The following HABP2 variants were observed in gnomAD, a reference collection of about 807,000 sequenced individuals.
The protein encoded by HABP2 is factor VII-activating protease.
In HABP2, 65 loss-of-function variants were observed where a neutral mutation model predicts 66.5. The observed-to-expected ratio is 0.98, with a 90% confidence interval of 0.80 to 1.20. The LOEUF (loss-of-function observed/expected upper bound fraction) is 1.20, where lower values mean the gene tolerates loss of function less well. HABP2 is among the 50% of genes most tolerant of loss of function. The probability of loss-of-function intolerance (pLI) is 0.00; values close to 1 mark genes in which losing one functional copy is unlikely to be tolerated. For missense variants in HABP2, 786 were observed against 691.0 expected, an observed-to-expected ratio of 1.14 and a Z score of -1.54; for synonymous variants, 263 against 253.9, an observed-to-expected ratio of 1.04 and a Z score of -0.34.
intron 9 of HABP2, among the ~76,000 whole-genome samples, chr10:113,582,934 G>T (rs1179258744): frequency 6.6e-6 from 1 of 152,226 alleles, no homozygotes; most frequent in Non-Finnish European, 1.5e-5. Context: ...GATTTTAGAA[G>T]ATTGGTTCAA....
At chr10:113,551,899 C>A (rs893480931), upstream of HABP2, among the ~76,000 whole-genome samples, 1 of 150,968 alleles carries the variant, frequency 6.6e-6, no homozygotes, top group African/African-American at 2.4e-5. Context: ...GTATAGGAGG[C>A]GGGGTGGGGG....
chr10:113,573,890 C>T (rs1352077958), intron 2 of HABP2, among the ~76,000 whole-genome samples: 1 of 152,078 alleles, frequency 6.6e-6, no homozygotes, highest in Non-Finnish European at 1.5e-5. Context: ...GTGATCTGAC[C>T]CCGGGCAGAC....
At chr10:113,584,016 G>A (rs977197593) in intron 10 of HABP2, 132 bp from the exon 11 acceptor site, 15 of 680,212 alleles carry the variant, frequency 2.2e-5, no homozygotes, top group Middle Eastern at 3.0e-4. Flanking sequence ...AAATGACCAC[G>A]GAAGAAGATT....
Position 113,574,418 on chromosome 10 carries a change from T to A in HABP2, c.223+13T>A. The A allele has an allele frequency of 7.7e-7, 1 of 1,299,148 alleles. No homozygotes were observed. Among genetic ancestry groups the A allele is most frequent in the Non-Finnish European group, 1.1e-6 (1 of 891,618 alleles). 80.5% of individuals were successfully genotyped at this position (1,299,148 alleles called of 1,614,324 possible). A position where few individuals can be genotyped will look rare whatever the true frequency, so the allele number is the denominator to read the frequency against. On this transcript the variant is annotated intron_variant, in intron 3 of 12. Transcript: ENST00000351270. ...GAGGACCAAGCTGGTAGGTACCAAA[T>A]CTCTTTCAGGGACTCTCCTGGGAGA...
intron 12 of HABP2, among the ~76,000 whole-genome samples, chr10:113,586,482 G>T (rs867740121): frequency 0.019 from 2,808 of 147,014 alleles, 154 homozygotes; most frequent in African/African-American, 0.06. Context: ...GTGTGGGGGG[G>T]GGGGGGGTGT....
chr10:113,576,114 C>G (rs181206049), intron 4 of HABP2, 110 bp downstream of exon 4: 17 of 704,124 alleles, frequency 2.4e-5, no homozygotes, highest in Admixed American at 2.3e-4. Context: ...AACTGCAATA[C>G]TGTATCATGC....
chr10:113,556,553 A>T (rs1458399325), intron 1 of HABP2, among the ~76,000 whole-genome samples: 1 of 151,994 alleles, frequency 6.6e-6, no homozygotes, highest in East Asian at 1.9e-4. Context: ...TATCAAAAAA[A>T]ATTTTTTTTA....
chr10:113,586,469 T>G, intron 12 of HABP2, among the ~76,000 whole-genome samples: 1 of 60,444 alleles, frequency 1.7e-5, no homozygotes, highest in Non-Finnish European at 3.9e-5. Context: ...TGCGTGTGTG[T>G]GTGTGTGGGG....
chr10:113,588,400 C>G lies in HABP2; in HGVS notation c.*31C>G. 6.4e-7 allele frequency: 1 copy of G among 1,566,534 alleles called. No homozygotes were observed. Among genetic ancestry groups the G allele is most frequent in the Non-Finnish European group, 8.7e-7 (1 of 1,150,674 alleles). ...TGTCTTCTGGACCTCAGAGCCCACT[C>G]TCCTTGGCACCCTGACACCGGGAGG... On this transcript the variant is annotated 3_prime_UTR_variant, in exon 13 of 13. Transcript: ENST00000351270.
At chr10:113,578,851 A>G (rs549449384) in intron 7 of HABP2, 53 bp downstream of exon 7, 84 of 1,231,516 alleles carry the variant, frequency 6.8e-5, no homozygotes, top group Non-Finnish European at 9.2e-5. Flanking sequence ...ATTTTAAAAC[A>G]GATCATTGAA....
chr10:113,589,425 G>C lies in HABP2; in HGVS notation c.*1056G>C, dbSNP rs755992327. 2.0e-5 allele frequency: 12 copies of C among 590,898 alleles called. No homozygotes were observed. The Middle Eastern group carries it at 1.4e-3, about 67-fold the overall frequency. The allele number at this position is 590,898 out of a possible 1,614,324, so 36.6% of individuals were successfully genotyped here. On this transcript the variant is annotated 3_prime_UTR_variant, in exon 13 of 13. Coordinates refer to ENST00000351270, the MANE Select transcript of HABP2 (RefSeq NM_004132.5). ...GCCCGGGATTGATGTAGCCCCGGTA[G>C]GTTTGCCTCTGCAGAACTAATGGCT...
Position 113,580,629 on chromosome 10 carries a change from A to G in HABP2, c.775A>G (p.Ile259Val), listed in dbSNP as rs758471564. The G allele has an allele frequency of 3.6e-5, 58 of 1,602,856 alleles. No homozygotes were observed. The highest frequency in any genetic ancestry group is 4.6e-5 in the Non-Finnish European group (54 of 1,169,784). The change falls in exon 8 of 13, where the codon ATT becomes GTT. Residue 259 changes from isoleucine (I) to valine (V), a missense_variant. Transcript: ENST00000351270. ...TGCGGACGAAAAGCCCTGGTGCTTT[A>G]TTAAAGTTACCAATGACAAGGTGAA... ...PDADEKPWCF[I>V]KVTNDKVKWE...
chr10:113,582,758 C>T (rs1845564468), intron 9 of HABP2, among the ~76,000 whole-genome samples: 2 of 152,204 alleles, frequency 1.3e-5, no homozygotes, highest in African/African-American at 2.4e-5. Flanking sequence ...GTCACCCCCT[C>T]TTCTGAGCTC....
At chr10:113,558,226 C>T (rs1317789939) in intron 1 of HABP2, among the ~76,000 whole-genome samples, 1 of 152,208 alleles carries the variant, frequency 6.6e-6, no homozygotes, top group Non-Finnish European at 1.5e-5. Context: ...CAAACCAGTT[C>T]GTTCAGTGTT....
At position 113,589,372 on chromosome 10, in the gene HABP2, A is replaced by G. The variant is rs1330181875; in HGVS notation, c.*1003A>G. 1 of 566,848 alleles carries G rather than the reference A, an allele frequency of 1.8e-6. No individual in the cohort carries two copies. The highest frequency in any genetic ancestry group is 1.9e-5 in the African/African-American group (1 of 53,400). The allele number at this position is 566,848 out of a possible 1,614,324, so 35.1% of individuals were successfully genotyped here. A position where few individuals can be genotyped will look rare whatever the true frequency, so the allele number is the denominator to read the frequency against. On this transcript the variant is annotated 3_prime_UTR_variant, in exon 13 of 13. Transcript: ENST00000351270. ...ACCCTTTCTGCGAATGTAACGAGCAAGCAGTCAGCACAGCCTGGGCTGCCC... is the reference window on the plus strand; with the variant it reads ...ACCCTTTCTGCGAATGTAACGAGCAGGCAGTCAGCACAGCCTGGGCTGCCC...
At chr10:113,551,500 G>T (rs971019994), upstream of HABP2, among the ~76,000 whole-genome samples, 13 of 152,182 alleles carry the variant, frequency 8.5e-5, no homozygotes, top group Non-Finnish European at 1.9e-4. Context: ...GGCTAGAGAA[G>T]AACTTTCTAG....
chr10:113,587,748 C>T (rs913952154), intron 12 of HABP2, among the ~76,000 whole-genome samples: 17 of 152,080 alleles, frequency 1.1e-4, no homozygotes, highest in African/African-American at 3.4e-4. Flanking sequence ...CTATTGCTAT[C>T]TATGGTTTAC....
At chr10:113,571,302 A>G (rs1485221189) in intron 2 of HABP2, among the ~76,000 whole-genome samples, 2 of 152,126 alleles carry the variant, frequency 1.3e-5, no homozygotes, top group African/African-American at 4.8e-5. Context: ...GCTTTCTTAT[A>G]TGTCTGAGGC....
intron 1 of HABP2, among the ~76,000 whole-genome samples, chr10:113,564,852 T>C (rs534297820): frequency 4.0e-5 from 6 of 151,458 alleles, no homozygotes; most frequent in African/African-American, 1.5e-4. Flanking sequence ...ATCTCTCTCT[T>C]TTGTTTTTTT....
Sources: gnomAD v4.1 joint callset for allele counts (sites outside exome capture counted in the v4.1 genomes callset) on GRCh38, gnomAD v4.1.1 for gene constraint, MANE v1.5 for transcripts, NCBI Gene and HGNC (gene_info 2026-07-23, HGNC 2026-07-21) for gene names.